Variants in RAPGEF6 observed in about 807,000 individuals in gnomAD.
RAPGEF6 encodes the protein Rap guanine nucleotide exchange factor 6.
A neutral mutation model predicts 171.4 loss-of-function variants in RAPGEF6; 56 were observed. That is an observed-to-expected ratio of 0.33 (90% CI 0.26 to 0.41). The LOEUF (loss-of-function observed/expected upper bound fraction) is 0.41. Among genes scored for constraint, RAPGEF6 ranks in the 10% least tolerant of loss-of-function variants. RAPGEF6 has a pLI of 1.00. For missense variants in RAPGEF6, 1,674 were observed against 1,921.4 expected (o/e 0.87, Z 2.41); for synonymous variants, 692 against 650.1 (o/e 1.06, Z -0.98).
intron 22 of RAPGEF6, among the ~76,000 whole-genome samples, chr5:131,443,183 T>C (rs1752491569): frequency 6.6e-6 from 1 of 152,086 alleles, no homozygotes; most frequent in Non-Finnish European, 1.5e-5. Flanking sequence ...CCTCAGGTGA[T>C]CCACCCACCT....
chr5:131,596,710 C>T (rs1305757706), intron 3 of RAPGEF6, among the ~76,000 whole-genome samples: 1 of 151,966 alleles, frequency 6.6e-6, no homozygotes, highest in Non-Finnish European at 1.5e-5. Context: ...AGACTAAACT[C>T]CTACCTCTCA....
At chr5:131,629,746 T>C (rs1352203712) in intron 1 of RAPGEF6, among the ~76,000 whole-genome samples, 8 of 148,672 alleles carry the variant, frequency 5.4e-5, no homozygotes, top group Admixed American at 5.4e-4. Context: ...GAATGAGATC[T>C]TGTCTCAAAG....
intron 24 of RAPGEF6, chr5:131,435,949 C>T (rs1367297982): frequency 5.3e-6 from 8 of 1,522,872 alleles, no homozygotes; most frequent in Non-Finnish European, 7.0e-6. Context: ...TAAGGAACTT[C>T]ATCAGAGTGT....
chr5:131,577,234 C>T (rs1468248040), intron 4 of RAPGEF6, among the ~76,000 whole-genome samples: 3 of 152,178 alleles, frequency 2.0e-5, no homozygotes, highest in African/African-American at 7.2e-5. Context: ...TCTCCCAGGC[C>T]TTCGGCATCC....
At chr5:131,474,839 G>T (rs1236896791) in intron 16 of RAPGEF6, among the ~76,000 whole-genome samples, 1 of 152,026 alleles carries the variant, frequency 6.6e-6, no homozygotes, top group Non-Finnish European at 1.5e-5. Flanking sequence ...TCAATTTTTG[G>T]ACACAGAGGG....
Position 131,495,635 on chromosome 5 carries a change from A to G in RAPGEF6, c.1445T>C (p.Val482Ala). The change falls in exon 13 of 28, where the codon GTA (valine) becomes GCA (alanine). Residue 482 changes from valine (V) to alanine (A), a missense_variant. Coordinates refer to ENST00000509018, the MANE Select transcript of RAPGEF6 (RefSeq NM_016340.6). ...TTCAAAATCATTAAAATGATTATTT[A>G]CCCATAATAATACAATCCGTGTCAC... The part of the protein sequence containing the change: ...DKVTRIVLLW[V>A]NNHFNDFEGD... The G allele has an allele frequency of 1.2e-6, 2 of 1,613,620 alleles. No homozygotes were observed. Among genetic ancestry groups the G allele is most frequent in the Non-Finnish European group, 1.7e-6 (2 of 1,179,718 alleles).
chr5:131,557,728 G>A (rs968026003), intron 5 of RAPGEF6, among the ~76,000 whole-genome samples: 1 of 152,074 alleles, frequency 6.6e-6, no homozygotes, highest in African/African-American at 2.4e-5. Context: ...TCATGAACGG[G>A]TTCTGATTAT....
At position 131,592,301 on chromosome 5, in the gene RAPGEF6, T is replaced by A. The variant is rs888596818; in HGVS notation, c.281+82A>T. 3.3e-6 allele frequency: 5 copies of A among 1,528,782 alleles called. No individual in the cohort carries two copies. In the African/African-American group the frequency reaches 7.0e-5, roughly 21 times the overall value. The allele number at this position is 1,528,782 out of a possible 1,614,324, so 94.7% of individuals were successfully genotyped here. ...CAAGCAAAGACATTTAAAAGATGTATCACTTACTGAAAGAAAATATACATC... is the reference window on the plus strand; with the variant it reads ...CAAGCAAAGACATTTAAAAGATGTAACACTTACTGAAAGAAAATATACATC... On this transcript the variant is annotated intron_variant, in intron 4 of 27. Coordinates refer to ENST00000509018, the MANE Select transcript of RAPGEF6 (RefSeq NM_016340.6).
chr5:131,592,328 T>C (rs2150003263), intron 4 of RAPGEF6, 55 bp downstream of exon 4: 7 of 1,595,450 alleles, frequency 4.4e-6, no homozygotes. Flanking sequence ...ATATACATCC[T>C]ATACAAAATA....
Position 131,427,131 on chromosome 5 carries a change from C to G in RAPGEF6, c.*135G>C. The G allele has an allele frequency of 1.2e-6, 1 of 805,022 alleles. No homozygotes were observed. Among genetic ancestry groups the G allele is most frequent in the Non-Finnish European group, 2.1e-6 (1 of 470,868 alleles). 49.9% of individuals were successfully genotyped at this position (805,022 alleles called of 1,614,324 possible). A position where few individuals can be genotyped will look rare whatever the true frequency, so the allele number is the denominator to read the frequency against. ...CATAACTCAGGTCTATTTCATTGCT[C>G]GGAGTAGAGGGAATAAAACCTCTGG... is the stretch of plus-strand genomic sequence containing the variant. On this transcript the variant is annotated 3_prime_UTR_variant, in exon 28 of 28. Coordinates refer to ENST00000509018, the MANE Select transcript of RAPGEF6 (RefSeq NM_016340.6).
chr5:131,554,885 T>C (rs933840710), intron 5 of RAPGEF6, among the ~76,000 whole-genome samples: 2 of 150,696 alleles, frequency 1.3e-5, no homozygotes, highest in African/African-American at 4.9e-5. Flanking sequence ...TCTACAAGAA[T>C]ATGGTGGGGA....
chr5:131,427,376 T>C (rs2149802376), intron 27 of RAPGEF6, 85 bp from the exon 28 acceptor site: 1 of 1,191,838 alleles, frequency 8.4e-7, no homozygotes, highest in Non-Finnish European at 1.2e-6. Context: ...AGAAAATCAA[T>C]GTCAACAAAG....
At chr5:131,486,220 G>C (rs1056464380) in intron 15 of RAPGEF6, among the ~76,000 whole-genome samples, 1 of 152,208 alleles carries the variant, frequency 6.6e-6, no homozygotes, top group African/African-American at 2.4e-5. Flanking sequence ...GCTCCTCTCA[G>C]TTTTATTCTA....
At chr5:131,466,591 C>T (rs534018424) in intron 17 of RAPGEF6, among the ~76,000 whole-genome samples, 3 of 152,146 alleles carry the variant, frequency 2.0e-5, no homozygotes, top group Non-Finnish European at 4.4e-5. Flanking sequence ...ACAAGTCTCA[C>T]GAGATCTGAT....
rs547030464 is a variant in RAPGEF6 at position 131,633,242 on chromosome 5, C to G, written c.69+1720G>C. On this transcript the variant is annotated intron_variant, in intron 1 of 27. Coordinates refer to ENST00000509018, the MANE Select transcript of RAPGEF6 (RefSeq NM_016340.6). ...AGCTACTCGGGAGGGTGAGGCAGAA[C>G]TACTTGAACCGGGACCCAGGAGGCG... Among the ~76,000 whole-genome samples, 5 of 151,646 alleles carry G rather than the reference C, an allele frequency of 3.3e-5. No individual in the cohort carries two copies. In the East Asian group the frequency reaches 9.9e-4, roughly 30 times the overall value.
At chr5:131,560,431 T>A (rs1407252871) in intron 5 of RAPGEF6, among the ~76,000 whole-genome samples, 1 of 152,226 alleles carries the variant, frequency 6.6e-6, no homozygotes, top group Non-Finnish European at 1.5e-5. Flanking sequence ...ACATAAAGTA[T>A]GTAAAACAAG....
intron 3 of RAPGEF6, among the ~76,000 whole-genome samples, chr5:131,598,745 A>C (rs1303232479): frequency 1.3e-5 from 2 of 152,226 alleles, no homozygotes; most frequent in Non-Finnish European, 2.9e-5. Context: ...AAATAAATGG[A>C]AGAATATACA....
At chr5:131,511,481 C>CTTTTTTTT (rs55782171) in intron 7 of RAPGEF6, among the ~76,000 whole-genome samples, 10 of 137,328 alleles carry the variant, frequency 7.3e-5, no homozygotes, top group African/African-American at 8.1e-5. Flanking sequence ...AAAAGATCAT[C>CTTTTTTTT]TTTTTTTTTT....
At chr5:131,455,181 T>A (rs1193054871) in intron 20 of RAPGEF6, among the ~76,000 whole-genome samples, 1 of 152,210 alleles carries the variant, frequency 6.6e-6, no homozygotes, top group Non-Finnish European at 1.5e-5. Context: ...CAAGGTTAAA[T>A]ACTGACTTTA....
Sources: gnomAD v4.1 joint callset for allele counts (sites outside exome capture counted in the v4.1 genomes callset) on GRCh38, gnomAD v4.1.1 for gene constraint, MANE v1.5 for transcripts, NCBI Gene and HGNC (gene_info 2026-07-23, HGNC 2026-07-21) for gene names.